TMEM200A: variants seen among roughly 807,000 people sequenced by gnomAD.
TMEM200A encodes the protein transmembrane protein 200A.
A neutral mutation model predicts 24.3 loss-of-function variants in TMEM200A; 12 were observed. The observed-to-expected ratio is 0.49, with a 90% confidence interval of 0.32 to 0.80. The LOEUF (loss-of-function observed/expected upper bound fraction) is 0.80, where lower values mean the gene tolerates loss of function less well. Ranked by LOEUF, TMEM200A falls within the 30% of genes least tolerant of loss-of-function variation. TMEM200A has a pLI of 0.04. For synonymous variants in TMEM200A, 224 were observed against 224.4 expected, an observed-to-expected ratio of 1.00 and a Z score of 0.02; for missense variants, 545 against 614.4, an observed-to-expected ratio of 0.89 and a Z score of 1.19.
chr6:130,437,509 T>C (rs1008443070), intron 2 of TMEM200A: 39 of 152,184 alleles, frequency 2.6e-4, no homozygotes, highest in African/African-American at 9.4e-4. Flanking sequence ...CCTTCTGTAG[T>C]ATTGAATTGC....
chr6:130,433,078 GTCTC>G (rs1779915961), intron 2 of TMEM200A, among the ~76,000 whole-genome samples: 1 of 151,874 alleles, frequency 6.6e-6, no homozygotes, highest in African/African-American at 2.4e-5. Context: ...ATGGGCCCCT[GTCTC>G]TCTGATTCCA....
intron 2 of TMEM200A, among the ~76,000 whole-genome samples, chr6:130,385,999 C>A (rs1287591515): frequency 6.6e-6 from 1 of 152,124 alleles, no homozygotes; most frequent in Non-Finnish European, 1.5e-5. Context: ...TCTTAAACTT[C>A]AATTATCTAG....
chr6:130,399,505 C>T (rs1192827424), intron 2 of TMEM200A, among the ~76,000 whole-genome samples: 2 of 152,012 alleles, frequency 1.3e-5, no homozygotes, highest in South Asian at 2.1e-4. Context: ...CTAGCAGTGA[C>T]TCATCTGTAG....
intron 2 of TMEM200A, among the ~76,000 whole-genome samples, chr6:130,395,321 A>G (rs1307555806): frequency 6.6e-6 from 1 of 152,176 alleles, no homozygotes; most frequent in East Asian, 1.9e-4. Flanking sequence ...CCCTTAGTTG[A>G]AGAGCCCGTG....
chr6:130,437,523 A>G (rs1780051478), intron 2 of TMEM200A: 2 of 152,264 alleles, frequency 1.3e-5, no homozygotes, highest in South Asian at 4.1e-4. Context: ...GAATTGCTTT[A>G]AACAGAATTA....
upstream of TMEM200A, chr6:130,365,576 G>A (rs941971230): frequency 5.8e-5 from 57 of 985,236 alleles, no homozygotes; most frequent in Non-Finnish European, 6.7e-5. Flanking sequence ...GTCGGCTGGA[G>A]CTCCCCAGCC....
chr6:130,427,712 C>A (rs902533030), intron 2 of TMEM200A, among the ~76,000 whole-genome samples: 2 of 151,612 alleles, frequency 1.3e-5, no homozygotes, highest in African/African-American at 4.9e-5. Context: ...TGGTCATAAT[C>A]AATCTTTTTG....
intron 1 of TMEM200A, among the ~76,000 whole-genome samples, chr6:130,382,679 AT>A (rs907128871): frequency 6.6e-6 from 1 of 151,630 alleles, no homozygotes. Context: ...AACATGAAAG[AT>A]TTTTTTTTCC....
intron 2 of TMEM200A, among the ~76,000 whole-genome samples, chr6:130,407,394 G>A (rs1460352581): frequency 2.0e-5 from 3 of 152,200 alleles, no homozygotes; most frequent in African/African-American, 7.2e-5. Flanking sequence ...TGCACAAGGA[G>A]CTTGCTACAG....
chr6:130,382,429 A>G (rs1778621842), intron 1 of TMEM200A, among the ~76,000 whole-genome samples: 1 of 152,154 alleles, frequency 6.6e-6, no homozygotes, highest in African/African-American at 2.4e-5. Flanking sequence ...GGCATTTTTC[A>G]TTCTTCTAGA....
chr6:130,407,214 A>C (rs1004265154), intron 2 of TMEM200A, among the ~76,000 whole-genome samples: 1 of 152,188 alleles, frequency 6.6e-6, no homozygotes, highest in Admixed American at 6.5e-5. Context: ...AAAATGCTTA[A>C]ATGTATTTTA....
At chr6:130,417,513 T>A (rs1229178809) in intron 2 of TMEM200A, among the ~76,000 whole-genome samples, 1 of 152,138 alleles carries the variant, frequency 6.6e-6, no homozygotes. Flanking sequence ...CCTGAACAAG[T>A]GGAAAGGATT....
intron 2 of TMEM200A, among the ~76,000 whole-genome samples, chr6:130,391,642 T>C (rs1778833945): frequency 6.6e-6 from 1 of 152,030 alleles, no homozygotes; most frequent in Admixed American, 6.6e-5. Flanking sequence ...TCTCCTCTTG[T>C]ATATTTCACA....
chr6:130,418,496 G>A (rs1206868808), intron 2 of TMEM200A, among the ~76,000 whole-genome samples: 1 of 152,138 alleles, frequency 6.6e-6, no homozygotes, highest in African/African-American at 2.4e-5. Context: ...ATTCAGTCTA[G>A]TTCATAGCAA....
At chr6:130,438,997 C>G (rs1780089771) in intron 2 of TMEM200A, 1 of 152,058 alleles carries the variant, frequency 6.6e-6, no homozygotes, top group South Asian at 2.1e-4. Flanking sequence ...AACAAAATCT[C>G]AGAAATGGTA....
chr6:130,407,556 T>G (rs536411974), intron 2 of TMEM200A, among the ~76,000 whole-genome samples: 57 of 152,362 alleles, frequency 3.7e-4, no homozygotes, highest in African/African-American at 1.3e-3. Flanking sequence ...AATCATTTAC[T>G]CATGTACTTT....
intron 2 of TMEM200A, among the ~76,000 whole-genome samples, chr6:130,406,639 C>T (rs956885084): frequency 2.0e-5 from 3 of 152,118 alleles, no homozygotes; most frequent in Admixed American, 6.6e-5. Flanking sequence ...AAATAATGTC[C>T]TGAATTGCAA....
At chr6:130,434,631 T>C (rs1272781398) in intron 2 of TMEM200A, among the ~76,000 whole-genome samples, 1 of 152,120 alleles carries the variant, frequency 6.6e-6, no homozygotes, top group East Asian at 1.9e-4. Flanking sequence ...GCAATAAGGC[T>C]TTTAAGATTA....
intron 2 of TMEM200A, among the ~76,000 whole-genome samples, chr6:130,421,925 A>ATT (rs1453643541): frequency 2.0e-5 from 3 of 152,180 alleles, no homozygotes; most frequent in Admixed American, 6.6e-5. Flanking sequence ...ATGTATATAT[A>ATT]CATGTTTATC....
Sources: allele counts gnomAD v4.1 joint callset (sites outside exome capture counted in the v4.1 genomes callset), GRCh38; gene constraint gnomAD v4.1.1; transcripts MANE v1.5; gene names NCBI Gene and HGNC (gene_info 2026-07-23, HGNC 2026-07-21).